The following FOXP2 variants were observed in gnomAD, a reference collection of about 807,000 sequenced individuals.
The protein encoded by FOXP2 is forkhead box protein P2.
Under a neutral mutation model 115.8 loss-of-function variants are expected in FOXP2, and 12 were observed. That is an observed-to-expected ratio of 0.10 (90% CI 0.07 to 0.17). The LOEUF (loss-of-function observed/expected upper bound fraction) is 0.17, where lower values mean the gene tolerates loss of function less well. Ranked by LOEUF, FOXP2 falls within the 10% of genes least tolerant of loss-of-function variation. The probability of loss-of-function intolerance (pLI) is 1.00; values close to 1 mark genes in which losing one functional copy is unlikely to be tolerated. For missense variants in FOXP2, 629 were observed against 843.5 expected (o/e 0.75, Z 3.15); for synonymous variants, 328 against 297.7 (o/e 1.10, Z -1.05).
chr7:114,686,791 CT>C (rs1193087260), intron 16 of FOXP2, among the ~76,000 whole-genome samples: 1 of 151,852 alleles, frequency 6.6e-6, no homozygotes, highest in Non-Finnish European at 1.5e-5. Context: ...AGCACGTATA[CT>C]TTTTAATATA....
intron 3 of FOXP2, among the ~76,000 whole-genome samples, chr7:114,615,356 C>T (rs903838377): frequency 2.0e-5 from 3 of 152,134 alleles, no homozygotes; most frequent in Admixed American, 1.3e-4. Context: ...TGCCCTCTTC[C>T]TCCTCATAAA....
chr7:114,408,860 G>A (rs973967219), intron 2 of FOXP2, among the ~76,000 whole-genome samples: 3 of 152,114 alleles, frequency 2.0e-5, no homozygotes, highest in Admixed American at 6.6e-5. Context: ...AGAGTGGCAA[G>A]GAGAAAGCAA....
intron 2 of FOXP2, among the ~76,000 whole-genome samples, chr7:114,512,439 G>T (rs1411625838): frequency 6.6e-6 from 1 of 152,134 alleles, no homozygotes; most frequent in Non-Finnish European, 1.5e-5. Context: ...GTAATGTCTG[G>T]ATCCTTTGTG....
chr7:114,366,288 T>C (rs1791879978), intron 2 of FOXP2, among the ~76,000 whole-genome samples: 1 of 152,164 alleles, frequency 6.6e-6, no homozygotes. Context: ...TTTCAAAAGC[T>C]TCATATCTAA....
intron 1 of FOXP2, among the ~76,000 whole-genome samples, chr7:114,183,932 ATTAG>A (rs1024819086): frequency 2.1e-4 from 32 of 152,306 alleles, no homozygotes; most frequent in African/African-American, 7.2e-4. Flanking sequence ...TTGCCAGAAG[ATTAG>A]TTAATGTGGT....
At chr7:114,190,705 T>G (rs935761603) in intron 1 of FOXP2, among the ~76,000 whole-genome samples, 2 of 152,178 alleles carry the variant, frequency 1.3e-5, no homozygotes, top group South Asian at 2.1e-4. Context: ...TCTCCCTCCC[T>G]CTTTTCTTTT....
intron 2 of FOXP2, among the ~76,000 whole-genome samples, chr7:114,520,008 T>G (rs1483819369): frequency 6.6e-6 from 1 of 152,162 alleles, no homozygotes; most frequent in African/African-American, 2.4e-5. Context: ...CAGCTTACAT[T>G]AAATAGATAT....
chr7:114,578,262 C>T (rs1801672823), intron 3 of FOXP2, among the ~76,000 whole-genome samples: 1 of 151,808 alleles, frequency 6.6e-6, no homozygotes, highest in Non-Finnish European at 1.5e-5. Flanking sequence ...TTTTATATTA[C>T]CTGAGTAGAT....
chr7:114,168,546 G>A (rs1018838085), intron 1 of FOXP2, among the ~76,000 whole-genome samples: 2 of 152,124 alleles, frequency 1.3e-5, no homozygotes, highest in Non-Finnish European at 2.9e-5. Context: ...CATTCAAGAG[G>A]TAACTTGGGT....
Position 114,234,892 on chromosome 7 carries a change from T to TA in FOXP2, c.-101-53126dup, listed in dbSNP as rs1269402792. Among the ~76,000 whole-genome samples, 6 of 152,300 alleles carry TA rather than the reference T, an allele frequency of 3.9e-5. No individual in the cohort carries two copies. The East Asian group carries it at 1.2e-3, about 29-fold the overall frequency. ...CTTTTCTTCTTGCTACCCTCTTTGT[T>TA]AGCTCACTCCTAGTCATCTCCAGTT... is the stretch of plus-strand genomic sequence containing the variant. On this transcript the variant is annotated intron_variant, in intron 1 of 17. Transcript: ENST00000634411.
intron 1 of FOXP2, among the ~76,000 whole-genome samples, chr7:114,124,624 G>T (rs12666550): frequency 0.068 from 10,370 of 152,090 alleles, 826 homozygotes; most frequent in East Asian, 0.42. Context: ...AAGATCAAGT[G>T]TGGTACATTT....
At chr7:114,444,948 T>C (rs534148316) in intron 2 of FOXP2, among the ~76,000 whole-genome samples, 1 of 152,134 alleles carries the variant, frequency 6.6e-6, no homozygotes, top group Non-Finnish European at 1.5e-5. Flanking sequence ...ATTCTTTATT[T>C]TGGAGAAAAT....
chr7:114,514,336 A>G (rs1239709064), intron 2 of FOXP2, among the ~76,000 whole-genome samples: 2 of 152,100 alleles, frequency 1.3e-5, no homozygotes, highest in East Asian at 3.8e-4. Context: ...TATCATCACT[A>G]TGATGTACAA....
At chr7:114,269,485 G>T (rs1474873247) in intron 1 of FOXP2, among the ~76,000 whole-genome samples, 3 of 152,024 alleles carry the variant, frequency 2.0e-5, no homozygotes, top group African/African-American at 7.2e-5. Flanking sequence ...TAGTACAGTG[G>T]CATGATCCTG....
intron 2 of FOXP2, among the ~76,000 whole-genome samples, chr7:114,478,763 C>T (rs2129235576): frequency 6.6e-6 from 1 of 151,804 alleles, no homozygotes; most frequent in South Asian, 2.1e-4. Context: ...CCCTAAATTC[C>T]CTTTCCTTGT....
intron 1 of FOXP2, among the ~76,000 whole-genome samples, chr7:114,416,854 A>G (rs1228137195): frequency 6.6e-6 from 1 of 151,948 alleles, no homozygotes; most frequent in Non-Finnish European, 1.5e-5. Flanking sequence ...GGTTACAGGT[A>G]TCTGTTTAGA....
chr7:114,118,539 A>C (rs1562969812), intron 1 of FOXP2, among the ~76,000 whole-genome samples: 1 of 151,962 alleles, frequency 6.6e-6, no homozygotes, highest in Non-Finnish European at 1.5e-5. Flanking sequence ...CATAGGAATA[A>C]ATTTAATAGA....
At chr7:114,099,829 A>T (rs942708788) in intron 1 of FOXP2, among the ~76,000 whole-genome samples, 1 of 152,172 alleles carries the variant, frequency 6.6e-6, no homozygotes, top group Non-Finnish European at 1.5e-5. Context: ...GATACGTAGG[A>T]TGAATAAGTC....
intron 4 of FOXP2, chr7:114,629,576 A>G (rs1804776806): frequency 6.5e-7 from 1 of 1,538,772 alleles, no homozygotes. Context: ...CAGACTTTCT[A>G]TACCCTTTTG....
Sources: allele counts gnomAD v4.1 joint callset (sites outside exome capture counted in the v4.1 genomes callset), GRCh38; gene constraint gnomAD v4.1.1; transcripts MANE v1.5; gene names NCBI Gene and HGNC (gene_info 2026-07-23, HGNC 2026-07-21).